RAB5A: variants seen among roughly 807,000 people sequenced by gnomAD.
RAB5A encodes RAB5A, member RAS oncogene family, also known as ras-related protein Rab-5A.
Under a neutral mutation model 25.7 loss-of-function variants are expected in RAB5A, and 8 were observed. That is an observed-to-expected ratio of 0.31 (90% CI 0.18 to 0.56). The LOEUF (loss-of-function observed/expected upper bound fraction) is 0.56. Ranked by LOEUF, RAB5A falls within the 20% of genes least tolerant of loss-of-function variation. RAB5A has a pLI of 0.91. For missense variants in RAB5A, 192 were observed against 259.7 expected (o/e 0.74, Z 1.79); for synonymous variants, 98 against 89.8 (o/e 1.09, Z -0.52).
chr3:19,980,865 C>A (rs1280749053), intron 5 of RAB5A, among the ~76,000 whole-genome samples: 1 of 152,168 alleles, frequency 6.6e-6, no homozygotes, highest in Non-Finnish European at 1.5e-5. Flanking sequence ...GCTCCCAAAT[C>A]CATTGCCCAA....
At chr3:19,980,309 A>AT (rs1696899523) in intron 5 of RAB5A, 1 of 152,282 alleles carries the variant, frequency 6.6e-6, no homozygotes, top group East Asian at 1.9e-4. Context: ...TAATAAAGTC[A>AT]TTTTTCGAGT....
At position 19,947,266 on chromosome 3, in the gene RAB5A, C is replaced by CCGGCGG. The variant is rs67898127; in HGVS notation, c.-333_-328dup. The CCGGCGG allele has an allele frequency of 0.11, 20,640 of 182,650 alleles. 1,338 individuals are homozygous for CCGGCGG. The highest frequency in any genetic ancestry group is 0.13 in the Non-Finnish European group (11,479 of 90,948). 11.3% of individuals were successfully genotyped at this position (182,650 alleles called of 1,614,324 possible). A position where few individuals can be genotyped will look rare whatever the true frequency, so the allele number is the denominator to read the frequency against. Reference sequence around the variant, plus strand: ...GGAAGAATTAGTCGGAACTCCAGCGCCGGCGGCGGCGGCGGCGGCGGAGGA... The same window carrying CCGGCGG: ...GGAAGAATTAGTCGGAACTCCAGCGCCGGCGGCGGCGGCGGCGGCGGCGGCGGAGGA... On this transcript the variant is annotated 5_prime_UTR_variant, in exon 1 of 6. Transcript: ENST00000273047.
intron 2 of RAB5A, among the ~76,000 whole-genome samples, chr3:19,962,896 T>C (rs1696608421): frequency 6.6e-6 from 1 of 152,120 alleles, no homozygotes; most frequent in African/African-American, 2.4e-5. Context: ...CACTGCAGCC[T>C]TGAACTCCTG....
intron 1 of RAB5A, among the ~76,000 whole-genome samples, chr3:19,948,290 G>A (rs1056585305): frequency 6.6e-6 from 1 of 152,046 alleles, no homozygotes; most frequent in African/African-American, 2.4e-5. Flanking sequence ...GAATCAAAGC[G>A]TTCAATCAGT....
At chr3:19,981,058 C>T (rs1696916532) in intron 5 of RAB5A, among the ~76,000 whole-genome samples, 1 of 152,066 alleles carries the variant, frequency 6.6e-6, no homozygotes. Flanking sequence ...GTGGTCTGTC[C>T]CCAAGATTGA....
intron 5 of RAB5A, among the ~76,000 whole-genome samples, chr3:19,980,985 A>C (rs918307989): frequency 6.6e-6 from 1 of 152,254 alleles, no homozygotes; most frequent in African/African-American, 2.4e-5. Context: ...ATCTCAAAGC[A>C]GAGTGTATTC....
intron 3 of RAB5A, 142 bp from the exon 4 acceptor site, chr3:19,975,905 A>G: frequency 7.3e-7 from 1 of 1,364,488 alleles, no homozygotes; most frequent in Non-Finnish European, 9.9e-7. Flanking sequence ...TTAAAAAAAA[A>G]CGAAAATGTC....
In RAB5A at chr3:19,947,288, A is replaced by T; in HGVS notation, c.-327A>T. ...GCGCCGGCGGCGGCGGCGGCGGCGG[A>T]GGAGGAGAAAGGAAAGAGGAAGGGG... On this transcript the variant is annotated 5_prime_UTR_variant, in exon 1 of 6. Coordinates refer to ENST00000273047, the MANE Select transcript of RAB5A (RefSeq NM_004162.5). 1 of 127,598 alleles carries T rather than the reference A, an allele frequency of 7.8e-6. No homozygotes were observed. Among genetic ancestry groups the T allele is most frequent in the Admixed American group, 1.0e-4 (1 of 10,010 alleles). The allele number at this position is 127,598 out of a possible 1,614,324, so 7.9% of individuals were successfully genotyped here.
At chr3:19,983,191 C>G (rs1696964132) in intron 5 of RAB5A, among the ~76,000 whole-genome samples, 2 of 151,638 alleles carry the variant, frequency 1.3e-5, no homozygotes, top group Non-Finnish European at 2.9e-5. Flanking sequence ...CAAAAATTAG[C>G]TGGGTGTGGT....
chr3:19,950,429 G>A (rs1224136169), intron 1 of RAB5A, among the ~76,000 whole-genome samples: 1 of 152,124 alleles, frequency 6.6e-6, no homozygotes, highest in African/African-American at 2.4e-5. Context: ...AGGTTGCCTG[G>A]GTTTGAAACT....
chr3:19,953,411 C>CTT (rs11383693), intron 2 of RAB5A, among the ~76,000 whole-genome samples: 19,585 of 134,462 alleles, frequency 0.15, 1,680 homozygotes, highest in Non-Finnish European at 0.2. Context: ...TCTGTTAATC[C>CTT]TTTTTTTTTT....
intron 2 of RAB5A, among the ~76,000 whole-genome samples, chr3:19,974,162 CTT>C (rs762397081): frequency 1.6e-4 from 22 of 141,308 alleles, no homozygotes; most frequent in Admixed American, 3.6e-4. Flanking sequence ...TATAATGCTA[CTT>C]TTTTTTTTTT....
rs762022235 is a variant in RAB5A, at chr3:19,975,726, A to G, written c.289A>G (p.Ile97Val). ...GTACTACAGAGGAGCACAAGCAGCC[A>G]TAGTTGTATATGATATCACAAATGA... is the stretch of plus-strand genomic sequence containing the variant. ...PMYYRGAQAA[I>V]VVYDITNEES... The change falls in exon 3 of 6, where the codon ATA becomes GTA. Residue 97 changes from isoleucine to valine, a missense_variant. By Grantham distance (29) the Ile-to-Val change is conservative (BLOSUM62 3). Coordinates refer to ENST00000273047, the MANE Select transcript of RAB5A (RefSeq NM_004162.5). 4 of 1,612,904 alleles carry G rather than the reference A, an allele frequency of 2.5e-6. No individual in the cohort carries two copies. The highest frequency in any genetic ancestry group is 4.5e-5 in the East Asian group (2 of 44,854).
intron 5 of RAB5A, chr3:19,978,629 G>C: frequency 2.5e-6 from 1 of 397,496 alleles, no homozygotes. Context: ...TACCTATTAG[G>C]TTGTAATACT....
chr3:19,969,201 C>T (rs1224265468), intron 2 of RAB5A, among the ~76,000 whole-genome samples: 4 of 151,948 alleles, frequency 2.6e-5, no homozygotes, highest in South Asian at 2.1e-4. Context: ...CCCACATCCA[C>T]GTCCGGCTAA....
rs554987884 is a variant in RAB5A, at chr3:19,950,515, T to C, written c.-93-291T>C. On this transcript the variant is annotated intron_variant, in intron 1 of 5. Transcript: ENST00000273047. ...TAACATCTCTGTGCTTGTTTCCTCA[T>C]TTATAAGGATTGTAATAATATCTCA... is the stretch of plus-strand genomic sequence containing the variant. Among the ~76,000 whole-genome samples the C allele has an allele frequency of 3.9e-5, 6 of 152,324 alleles. No homozygotes were observed. The East Asian group carries it at 1.2e-3, about 29-fold the overall frequency.
chr3:19,956,695 T>C (rs943472628), intron 2 of RAB5A, among the ~76,000 whole-genome samples: 3 of 152,194 alleles, frequency 2.0e-5, no homozygotes, highest in African/African-American at 7.2e-5. Flanking sequence ...AATAAACTAT[T>C]GTGGTTAAGA....
At chr3:19,981,217 T>C (rs1022024313) in intron 5 of RAB5A, among the ~76,000 whole-genome samples, 1 of 152,248 alleles carries the variant, frequency 6.6e-6, no homozygotes, top group Non-Finnish European at 1.5e-5. Context: ...GTGGTTTGAC[T>C]TACGATTTTA....
intron 5 of RAB5A, among the ~76,000 whole-genome samples, chr3:19,979,653 C>T (rs908931552): frequency 1.6e-4 from 24 of 152,012 alleles, no homozygotes; most frequent in African/African-American, 5.8e-4. Context: ...TAGTAATAAG[C>T]CTCCTTTTTT....
Sources: gnomAD v4.1 joint callset for allele counts (sites outside exome capture counted in the v4.1 genomes callset) on GRCh38, gnomAD v4.1.1 for gene constraint, MANE v1.5 for transcripts, NCBI Gene and HGNC (gene_info 2026-07-23, HGNC 2026-07-21) for gene names.